Variants in MAP3K10 observed in about 807,000 individuals in gnomAD.
The protein encoded by MAP3K10 is mitogen-activated protein kinase kinase kinase 10, also known as MKN28 derived nonreceptor_type serine/threonine kinase.
In MAP3K10, 22 loss-of-function variants were observed where a neutral mutation model predicts 75.0. That is an observed-to-expected ratio of 0.29 (90% CI 0.21 to 0.42). The LOEUF (loss-of-function observed/expected upper bound fraction) is 0.42. MAP3K10 is among the 10% of genes least tolerant of loss of function. MAP3K10 has a pLI of 1.00. For synonymous variants in MAP3K10, 599 were observed against 612.9 expected, an observed-to-expected ratio of 0.98 and a Z score of 0.34; for missense variants, 1,165 against 1,379.8, an observed-to-expected ratio of 0.84 and a Z score of 2.47.
Position 40,204,424 on chromosome 19 carries a change from T to C in MAP3K10, c.864-61T>C. On this transcript the variant is annotated intron_variant, in intron 2 of 9. Transcript: ENST00000253055. This position sits in a 1 kb window ranked among gnomAD's most constrained non-coding sequence, Gnocchi z 4.3. ...CCCTGCATGGGACCAAGGGCAGGGC[T>C]GGGTATAGGTGAGGATTGGGGTGGG... The C allele has an allele frequency of 6.4e-7, 1 of 1,564,634 alleles. No individual in the cohort carries two copies. The highest frequency in any genetic ancestry group is 8.7e-7 in the Non-Finnish European group (1 of 1,154,596).
Position 40,213,954 on chromosome 19 carries a change from C to G in MAP3K10, c.2275C>G (p.Arg759Gly). 1 of 1,533,440 alleles carries G rather than the reference C, an allele frequency of 6.5e-7. No homozygotes were observed. The highest frequency in any genetic ancestry group is 8.7e-7 in the Non-Finnish European group (1 of 1,147,698). 95.0% of individuals were successfully genotyped at this position (1,533,440 alleles called of 1,614,324 possible). The change falls in exon 9 of 10, where the codon CGT becomes GGT. Residue 759 changes from arginine to glycine, a missense_variant. Transcript: ENST00000253055. This position sits in a 1 kb window ranked among gnomAD's most constrained non-coding sequence, Gnocchi z 5.7. ...LSSVSDCNST[R>G]SLLRSDSDEA... is the part of the protein sequence containing the mutation. ...GTCCGTGTCCGACTGCAACTCCACGCGTTCACTGCTGCGCTCTGACAGTGA... is the reference window on the plus strand; with the variant it reads ...GTCCGTGTCCGACTGCAACTCCACGGGTTCACTGCTGCGCTCTGACAGTGA...
chr19:40,214,470 C>T (rs141096930), intron 9 of MAP3K10, among the ~76,000 whole-genome samples: 31 of 152,326 alleles, frequency 2.0e-4, no homozygotes, highest in Non-Finnish European at 3.8e-4. Flanking sequence ...CCAGCATGAC[C>T]ATCGCCAATT....
In MAP3K10 at chr19:40,198,657, A is replaced by C; in HGVS notation, c.863+102A>C. On this transcript the variant is annotated intron_variant, in intron 2 of 9. Transcript: ENST00000253055. This position sits in a 1 kb window ranked among gnomAD's most constrained non-coding sequence, Gnocchi z 4.3. Reference sequence around the variant, plus strand: ...GGTCTCCTGCTGAAGCCAGGATCTCAGTCTGACAAAGGGACCTGCTGGCAA... The same window carrying C: ...GGTCTCCTGCTGAAGCCAGGATCTCCGTCTGACAAAGGGACCTGCTGGCAA... The C allele has an allele frequency of 3.3e-6, 4 of 1,229,362 alleles. No individual in the cohort carries two copies. Among genetic ancestry groups the C allele is most frequent in the Non-Finnish European group, 4.5e-6 (4 of 893,064 alleles). 76.2% of individuals were successfully genotyped at this position (1,229,362 alleles called of 1,614,324 possible). A position where few individuals can be genotyped will look rare whatever the true frequency, so the allele number is the denominator to read the frequency against.
Position 40,213,923 on chromosome 19 carries a change from G to T in MAP3K10, c.2244G>T (p.Ser748=), listed in dbSNP as rs1385448537. 6 of 1,522,756 alleles carry T rather than the reference G, an allele frequency of 3.9e-6. 1 individual carries two copies. Among genetic ancestry groups the T allele is most frequent in the South Asian group, 2.4e-5 (2 of 81,848 alleles). 94.3% of individuals were successfully genotyped at this position (1,522,756 alleles called of 1,614,324 possible). ...TGGCGCCCTCGGCCACCCTCGTGTC[G>T]CTGTCGTCCGTGTCCGACTGCAACT... ...LGLAPSATLV[S]LSSVSDCNST... Residue 748 remains serine (S), a synonymous_variant, in exon 9 of 10, where the codon TCG becomes TCT. Transcript: ENST00000253055. This position sits in a 1 kb window ranked among gnomAD's most constrained non-coding sequence, Gnocchi z 5.7.
chr19:40,214,002 T>TGCCCCCCCCCC lies in MAP3K10; in HGVS notation c.2323_2324insGCCCCCCCCCC (p.Ser775CysfsTer51). 3 of 1,493,664 alleles carry TGCCCCCCCCCC rather than the reference T, an allele frequency of 2.0e-6. No individual in the cohort carries two copies. The highest frequency in any genetic ancestry group is 2.7e-6 in the Non-Finnish European group (3 of 1,123,850). The allele number at this position is 1,493,664 out of a possible 1,614,324, so 92.5% of individuals were successfully genotyped here. The stretch of plus-strand genomic sequence containing the variant: ...TGACGAGGCCGCACCGGCCGCGCCC[T>TGCCCCCCCCCC]CCCCACCACCCTCCCCGCCCGCGCC... On this transcript the variant is annotated frameshift_variant, in exon 9 of 10. Coordinates refer to ENST00000253055, the MANE Select transcript of MAP3K10 (RefSeq NM_002446.4). LOFTEE classifies it high-confidence loss of function.
Position 40,192,832 on chromosome 19 carries a change from C to A in MAP3K10, c.682+119C>A. On this transcript the variant is annotated intron_variant, in intron 1 of 9. Transcript: ENST00000253055. The surrounding 1 kb of genome is among the most constrained non-coding windows in gnomAD (Gnocchi z 7.1). ...CTGTGCCTGGAGTGAGAAGGGGCAG[C>A]AGTATGATACCTTCAGGGTGAAGGT... The A allele has an allele frequency of 1.3e-6, 1 of 780,402 alleles. No homozygotes were observed. The highest frequency in any genetic ancestry group is 2.0e-6 in the Non-Finnish European group (1 of 512,112). The allele number at this position is 780,402 out of a possible 1,614,324, so 48.3% of individuals were successfully genotyped here. A position where few individuals can be genotyped will look rare whatever the true frequency, so the allele number is the denominator to read the frequency against.
In MAP3K10 at chr19:40,215,059, C is replaced by T. The variant is rs182074568; in HGVS notation, c.2632C>T (p.Pro878Ser). The change falls in exon 10 of 10, where the codon CCC (proline) becomes TCC (serine). Residue 878 changes from proline to serine, a missense_variant. Transcript: ENST00000253055. ...RRRPPEFPGR[P>S]TTLTFAPRPR... ...CCGGCCCCCTGAGTTCCCAGGCCGCCCCACCACCCTGACCTTTGCCCCGAG... is the reference window on the plus strand; with the variant it reads ...CCGGCCCCCTGAGTTCCCAGGCCGCTCCACCACCCTGACCTTTGCCCCGAG... 5 of 1,608,622 alleles carry T rather than the reference C, an allele frequency of 3.1e-6. No individual in the cohort carries two copies. Among genetic ancestry groups the T allele is most frequent in the Non-Finnish European group, 4.2e-6 (5 of 1,177,290 alleles).
chr19:40,211,741 T>G (rs1973244377), intron 6 of MAP3K10, among the ~76,000 whole-genome samples: 1 of 152,126 alleles, frequency 6.6e-6, no homozygotes, highest in African/African-American at 2.4e-5. Flanking sequence ...TATTCCATGG[T>G]GAGACAGACG....
At chr19:40,207,764 C>T (rs1440477705) in intron 5 of MAP3K10, among the ~76,000 whole-genome samples, 1 of 152,074 alleles carries the variant, frequency 6.6e-6, no homozygotes, top group Admixed American at 6.6e-5. Flanking sequence ...TTAATTTAGC[C>T]CAATATATCC....
Position 40,192,728 on chromosome 19 carries a change from C to G in MAP3K10, c.682+15C>G. The G allele has an allele frequency of 6.6e-7, 1 of 1,520,016 alleles. No homozygotes were observed. Among genetic ancestry groups the G allele is most frequent in the Non-Finnish European group, 8.8e-7 (1 of 1,135,004 alleles). The allele number at this position is 1,520,016 out of a possible 1,614,324, so 94.2% of individuals were successfully genotyped here. ...GTCCATCAACAGTAAGTGGTGTCCT[C>G]TCCCCAAAATTCCTTCCACAGAACC... is the stretch of plus-strand genomic sequence containing the variant. On this transcript the variant is annotated intron_variant, in intron 1 of 9. Transcript: ENST00000253055. This position sits in a 1 kb window ranked among gnomAD's most constrained non-coding sequence, Gnocchi z 7.1.
intron 1 of MAP3K10, among the ~76,000 whole-genome samples, chr19:40,195,427 C>T (rs1398998047): frequency 7.4e-6 from 1 of 135,814 alleles, no homozygotes; most frequent in African/African-American, 2.6e-5. Flanking sequence ...TAGGAATTTA[C>T]AGTGGGGGCT....
rs118173890 is a variant in MAP3K10 at position 40,204,542 on chromosome 19, C to T, written c.921C>T (p.Asp307=). ...LTGEVPYREI[D]ALAVAYGVAM... is the part of the protein sequence containing the mutation. ...GGGAGGTCCCCTACCGTGAGATCGA[C>T]GCCTTGGCCGTGGCGTATGGCGTGG... The change falls in exon 3 of 10, where the codon GAC becomes GAT. Residue 307 remains aspartate (D), a synonymous_variant. Transcript: ENST00000253055. The surrounding 1 kb of genome is among the most constrained non-coding windows in gnomAD (Gnocchi z 4.3). The T allele has an allele frequency of 1.2e-4, 188 of 1,613,900 alleles. No homozygotes were observed. The highest frequency in any genetic ancestry group is 1.5e-4 in the Non-Finnish European group (173 of 1,179,990).
intron 5 of MAP3K10, among the ~76,000 whole-genome samples, chr19:40,208,363 T>TTTTAA (rs1404145320): frequency 1.8e-5 from 2 of 111,892 alleles, no homozygotes; most frequent in African/African-American, 7.3e-5. Context: ...TTTTTTTTTT[T>TTTTAA]TTTTTTGTAT....
chr19:40,213,719 G>A lies in MAP3K10; in HGVS notation c.2040G>A (p.Thr680=). ...ACCTGGCGCTGCTAGGCTGCGCCAC[G>A]CTGCTGGGGGCTGTGGGCCTGGGCG... is the stretch of plus-strand genomic sequence containing the variant. ...RCDLALLGCA[T]LLGAVGLGAD... The change falls in exon 9 of 10, where the codon ACG becomes ACA. Residue 680 remains threonine (T), a synonymous_variant. Transcript: ENST00000253055. This position sits in a 1 kb window ranked among gnomAD's most constrained non-coding sequence, Gnocchi z 5.7. The A allele has an allele frequency of 1.7e-5, 18 of 1,072,524 alleles. No homozygotes were observed. Among genetic ancestry groups the A allele is most frequent in the Non-Finnish European group, 1.9e-5 (17 of 885,228 alleles). 66.4% of individuals were successfully genotyped at this position (1,072,524 alleles called of 1,614,324 possible).
chr19:40,202,824 A>C (rs927829116), intron 2 of MAP3K10, among the ~76,000 whole-genome samples: 3 of 152,040 alleles, frequency 2.0e-5, no homozygotes, highest in African/African-American at 7.3e-5. Flanking sequence ...CTAGTTGCCT[A>C]CTACACCCCC....
In MAP3K10 at chr19:40,191,982, C is replaced by A; in HGVS notation, c.-50C>A. 1.6e-6 allele frequency: 2 copies of A among 1,283,522 alleles called. No individual in the cohort carries two copies. The highest frequency in any genetic ancestry group is 1.6e-5 in the African/African-American group (1 of 63,384). The allele number at this position is 1,283,522 out of a possible 1,614,324, so 79.5% of individuals were successfully genotyped here. A position where few individuals can be genotyped will look rare whatever the true frequency, so the allele number is the denominator to read the frequency against. ...CCGCCGGGGCCCGCCCTCTGCATCC[C>A]GCGGGCAGCCTGTGTGAAGCGGCCT... On this transcript the variant is annotated 5_prime_UTR_variant, in exon 1 of 10. Coordinates refer to ENST00000253055, the MANE Select transcript of MAP3K10 (RefSeq NM_002446.4).
chr19:40,204,236 C>T lies in MAP3K10; in HGVS notation c.864-249C>T, dbSNP rs368304247. ...AAGATGGATTTGGCCAGTAGGAACACGGGACCTGAAGATTTTCAGGCAGGG... is the reference window on the plus strand; with the variant it reads ...AAGATGGATTTGGCCAGTAGGAACATGGGACCTGAAGATTTTCAGGCAGGG... On this transcript the variant is annotated intron_variant, in intron 2 of 9. Transcript: ENST00000253055. The surrounding 1 kb of genome is among the most constrained non-coding windows in gnomAD (Gnocchi z 4.3). Among the ~76,000 whole-genome samples the T allele has an allele frequency of 7.2e-5, 11 of 152,136 alleles. No homozygotes were observed. The highest frequency in any genetic ancestry group is 1.3e-4 in the Non-Finnish European group (9 of 68,030).
chr19:40,207,021 C>T (rs1973134898), intron 5 of MAP3K10, among the ~76,000 whole-genome samples: 2 of 152,070 alleles, frequency 1.3e-5, no homozygotes, highest in Admixed American at 1.3e-4. Context: ...ATCGCTTGAA[C>T]CCGGAAAGCA....
chr19:40,193,124 A>G (rs1044348215), intron 1 of MAP3K10, among the ~76,000 whole-genome samples: 20 of 152,184 alleles, frequency 1.3e-4, no homozygotes, highest in Non-Finnish European at 2.9e-4. Context: ...TTGGCACTTG[A>G]GGCCAGATCA....
Sources: gnomAD v4.1 joint callset for allele counts (sites outside exome capture counted in the v4.1 genomes callset) on GRCh38, gnomAD v4.1.1 for gene constraint, Gnocchi (gnomAD v3.1) non-coding constraint, MANE v1.5 for transcripts, NCBI Gene and HGNC (gene_info 2026-07-23, HGNC 2026-07-21) for gene names.